MGRN1: variants seen among roughly 807,000 people sequenced by gnomAD.
MGRN1 encodes E3 ubiquitin-protein ligase MGRN1.
Under a neutral mutation model 69.2 loss-of-function variants are expected in MGRN1, and 29 were observed. The observed-to-expected ratio is 0.42, with a 90% CI of 0.31 to 0.57. The LOEUF (loss-of-function observed/expected upper bound fraction) is 0.57, where lower values mean the gene tolerates loss of function less well. Ranked by LOEUF, MGRN1 falls within the 20% of genes least tolerant of loss-of-function variation. The pLI is 0.15. For synonymous variants in MGRN1, 470 were observed against 344.2 expected, an observed-to-expected ratio of 1.37 and a Z score of -4.04; for missense variants, 998 against 796.2, an observed-to-expected ratio of 1.25 and a Z score of -3.05.
intron 8 of MGRN1, 140 bp from the exon 9 acceptor site, chr16:4,671,248 TCTC>T (rs2078930606): frequency 5.5e-6 from 4 of 722,592 alleles, no homozygotes; most frequent in Non-Finnish European, 7.0e-6. Context: ...TCCCTGCCCT[TCTC>T]CTGGCCCCCA....
intron 1 of MGRN1, among the ~76,000 whole-genome samples, chr16:4,639,028 T>C (rs896028920): frequency 2.0e-5 from 3 of 152,172 alleles, no homozygotes; most frequent in Non-Finnish European, 4.4e-5. Flanking sequence ...TGTCTCTCAC[T>C]GGTTGTGTGA....
chr16:4,650,340 T>A (rs1440032099), intron 1 of MGRN1, 25 bp from the exon 2 acceptor site: 19 of 1,428,034 alleles, frequency 1.3e-5, no homozygotes, highest in Middle Eastern at 1.9e-4. Context: ...AAAAAATCTA[T>A]AATCGTGTTT....
intron 13 of MGRN1, among the ~76,000 whole-genome samples, chr16:4,682,451 G>A (rs1216401570): frequency 5.3e-5 from 8 of 152,172 alleles, no homozygotes; most frequent in African/African-American, 1.2e-4. Flanking sequence ...CTGCAGGCCC[G>A]CCCTGGGCAC....
chr16:4,684,535 A>G (rs774605675), intron 16 of MGRN1, among the ~76,000 whole-genome samples: 32 of 152,234 alleles, frequency 2.1e-4, no homozygotes, highest in Non-Finnish European at 3.8e-4. Context: ...CAGGCCAGGC[A>G]CAGAGGACGG....
intron 4 of MGRN1, among the ~76,000 whole-genome samples, chr16:4,656,286 T>A (rs1251389407): frequency 1.3e-5 from 2 of 152,216 alleles, no homozygotes; most frequent in Non-Finnish European, 2.9e-5. Flanking sequence ...TTGGTGACCA[T>A]CTGCTGGTGT....
chr16:4,645,950 C>T (rs1048177691), intron 1 of MGRN1, among the ~76,000 whole-genome samples: 2 of 152,136 alleles, frequency 1.3e-5, no homozygotes, highest in Non-Finnish European at 2.9e-5. Context: ...GAAATGAAAT[C>T]GAATTGGGAG....
At chr16:4,651,633 A>T (rs2078408553) in intron 2 of MGRN1, among the ~76,000 whole-genome samples, 1 of 151,724 alleles carries the variant, frequency 6.6e-6, no homozygotes, top group Admixed American at 6.6e-5. Context: ...GTGGGGACTG[A>T]GGAAGGGGCT....
At chr16:4,656,076 G>A (rs2078531026) in intron 4 of MGRN1, among the ~76,000 whole-genome samples, 1 of 152,236 alleles carries the variant, frequency 6.6e-6, no homozygotes, top group Non-Finnish European at 1.5e-5. Context: ...CTTTGTCCAG[G>A]AGAGCCTGTG....
chr16:4,628,496 C>T (rs137859948), intron 1 of MGRN1, among the ~76,000 whole-genome samples: 1 of 152,200 alleles, frequency 6.6e-6, no homozygotes, highest in Non-Finnish European at 1.5e-5. Flanking sequence ...TTCCTTCCAT[C>T]TGTTTGCAGA....
chr16:4,652,725 G>T lies in MGRN1; in HGVS notation c.344G>T (p.Arg115Leu). The part of the protein sequence containing the change: ...DSPTEDGDKP[R>L]VLYSLEFTFD... The stretch of plus-strand genomic sequence containing the variant: ...CCCACCGAGGACGGCGACAAGCCCC[G>T]GGTGCTCTACAGCCTGGAGTTCACC... The change falls in exon 4 of 17, where the codon CGG (arginine) becomes CTG (leucine). Residue 115 changes from arginine to leucine, a missense_variant. Transcript: ENST00000262370. 6.2e-7 allele frequency: 1 copy of T among 1,613,138 alleles called. No homozygotes were observed.
chr16:4,687,275 G>T (rs959005661), intron 16 of MGRN1: 4 of 985,300 alleles, frequency 4.1e-6, no homozygotes, highest in Non-Finnish European at 4.8e-6. Context: ...GCTCTGTCCA[G>T]GCAGTGGTTC....
Position 4,651,883 on chromosome 16 carries a change from T to G in MGRN1, c.208-80T>G, listed in dbSNP as rs1596281462. On this transcript the variant is annotated intron_variant, in intron 2 of 16. Coordinates refer to ENST00000262370, the MANE Select transcript of MGRN1 (RefSeq NM_015246.4). ...ATCCCAGGGATACCCTCTGGGGCTG[T>G]GGCTGCTGCACCCTGACCCGTTTTC... 2.4e-6 allele frequency: 3 copies of G among 1,256,934 alleles called. No homozygotes were observed. The East Asian group carries it at 6.9e-5, about 29-fold the overall frequency. The allele number at this position is 1,256,934 out of a possible 1,614,324, so 77.9% of individuals were successfully genotyped here.
intron 1 of MGRN1, among the ~76,000 whole-genome samples, chr16:4,642,087 T>C (rs1484930662): frequency 6.6e-6 from 1 of 151,354 alleles, no homozygotes; most frequent in Non-Finnish European, 1.5e-5. Flanking sequence ...CCGGTAACCC[T>C]GCACTGTCAT....
At chr16:4,672,704 A>G (rs537627199) in intron 9 of MGRN1, among the ~76,000 whole-genome samples, 2 of 152,368 alleles carry the variant, frequency 1.3e-5, no homozygotes, top group South Asian at 4.1e-4. Context: ...TTTTATTTAT[A>G]GAAACAGGCC....
At chr16:4,630,680 T>C (rs1897955127) in intron 1 of MGRN1, among the ~76,000 whole-genome samples, 2 of 152,096 alleles carry the variant, frequency 1.3e-5, no homozygotes, top group Non-Finnish European at 2.9e-5. Context: ...AAACTGACCT[T>C]GTGATCTGCC....
intron 14 of MGRN1, 100 bp from the exon 15 acceptor site, chr16:4,683,124 G>A (rs545095689): frequency 1.4e-5 from 21 of 1,537,738 alleles, no homozygotes; most frequent in Non-Finnish European, 1.6e-5. Context: ...CTGGTGGAGC[G>A]GCTGTGCGGT....
chr16:4,687,829 C>T lies in MGRN1; in HGVS notation c.1619-967C>T, dbSNP rs2079367059. On this transcript the variant is annotated intron_variant, in intron 16 of 16. Transcript: ENST00000262370. ...AGCCGGGTCAGGGAGAACTTCGCTT[C>T]TTTTGACTGCGCTCTGCATTCCCAT... The T allele has an allele frequency of 4.1e-6, 4 of 985,382 alleles. No individual in the cohort carries two copies. In the African/African-American group the frequency reaches 7.0e-5, roughly 17 times the overall value. 61.0% of individuals were successfully genotyped at this position (985,382 alleles called of 1,614,324 possible).
chr16:4,625,410 C>T (rs117324345), intron 1 of MGRN1, among the ~76,000 whole-genome samples: 1 of 152,246 alleles, frequency 6.6e-6, no homozygotes, highest in Non-Finnish European at 1.5e-5. Flanking sequence ...CTAGAAAACT[C>T]TCATTGTCAT....
intron 9 of MGRN1, among the ~76,000 whole-genome samples, chr16:4,672,846 T>G (rs2078969340): frequency 6.6e-6 from 1 of 152,206 alleles, no homozygotes; most frequent in African/African-American, 2.4e-5. Flanking sequence ...TTTTTTTGTT[T>G]GTTTGTTTTG....
Sources: allele counts gnomAD v4.1 joint callset (sites outside exome capture counted in the v4.1 genomes callset), GRCh38; gene constraint gnomAD v4.1.1; transcripts MANE v1.5; gene names NCBI Gene and HGNC (gene_info 2026-07-23, HGNC 2026-07-21).